Variants in MYO16 observed in about 807,000 individuals in gnomAD.
MYO16 encodes myosin XVI, also known as unconventional myosin-XVI.
Under a neutral mutation model 205.3 loss-of-function variants are expected in MYO16, and 94 were observed. The observed-to-expected ratio is 0.46, with a 90% CI of 0.39 to 0.54. The LOEUF (loss-of-function observed/expected upper bound fraction) is 0.54. MYO16 is among the 20% of genes least tolerant of loss of function. The pLI is 0.00. For synonymous variants in MYO16, 988 were observed against 954.0 expected (o/e 1.04, Z -0.66); for missense variants, 2,315 against 2,387.5 (o/e 0.97, Z 0.63).
intron 23 of MYO16, among the ~76,000 whole-genome samples, chr13:109,021,019 G>A (rs563762647): frequency 6.6e-6 from 1 of 152,234 alleles, no homozygotes; most frequent in Non-Finnish European, 1.5e-5. Context: ...AGGAAGCAAT[G>A]CGTGGCTTAA....
intron 9 of MYO16, among the ~76,000 whole-genome samples, chr13:108,835,480 CA>C (rs1347647388): frequency 1.3e-5 from 2 of 152,138 alleles, no homozygotes; most frequent in Non-Finnish European, 2.9e-5. Flanking sequence ...CAGACTAATA[CA>C]GTAAATATGT....
At chr13:108,747,747 A>G (rs1885111110) in intron 4 of MYO16, among the ~76,000 whole-genome samples, 2 of 152,146 alleles carry the variant, frequency 1.3e-5, no homozygotes, top group African/African-American at 4.8e-5. Context: ...ATTGGTACTG[A>G]TACATATATA....
chr13:108,521,868 T>C, the MYO16 span, among the ~76,000 whole-genome samples: 4 of 152,264 alleles, frequency 2.6e-5, no homozygotes, highest in African/African-American at 9.6e-5. Context: ...TTTCTCTAGA[T>C]GTACATTAAG....
chr13:108,885,486 C>A (rs1264679856), intron 13 of MYO16, among the ~76,000 whole-genome samples: 3 of 152,206 alleles, frequency 2.0e-5, no homozygotes, highest in Non-Finnish European at 4.4e-5. Context: ...TAGACTCAGG[C>A]AACCCTATTT....
the MYO16 span, among the ~76,000 whole-genome samples, chr13:108,504,743 G>T: frequency 2.0e-5 from 3 of 150,314 alleles, no homozygotes; most frequent in Admixed American, 6.6e-5. Context: ...CACCATGTTG[G>T]CCAGGATGGT....
At chr13:108,595,402 G>C (rs930064809), upstream of MYO16, among the ~76,000 whole-genome samples, 62 of 152,090 alleles carry the variant, frequency 4.1e-4, no homozygotes, top group Admixed American at 4.1e-3. Context: ...GTTTTATAAA[G>C]AGCCTGACTT....
At chr13:108,594,311 C>G (rs1878479868), upstream of MYO16, among the ~76,000 whole-genome samples, 1 of 152,152 alleles carries the variant, frequency 6.6e-6, no homozygotes. Flanking sequence ...GCTGAGATGC[C>G]CCACGATGCC....
At chr13:108,506,807 T>A in the MYO16 span, among the ~76,000 whole-genome samples, 1 of 152,132 alleles carries the variant, frequency 6.6e-6, no homozygotes, top group Non-Finnish European at 1.5e-5. Context: ...CTCCATGGAG[T>A]ATGATGTTAG....
At chr13:108,662,173 G>T (rs917086000) in intron 1 of MYO16, among the ~76,000 whole-genome samples, 12 of 152,216 alleles carry the variant, frequency 7.9e-5, no homozygotes, top group Admixed American at 3.3e-4. Context: ...AACAGTACCT[G>T]TTCTGGTGGA....
the MYO16 span, among the ~76,000 whole-genome samples, chr13:108,517,923 A>G: frequency 2.6e-5 from 4 of 152,228 alleles, no homozygotes; most frequent in African/African-American, 9.6e-5. Context: ...GGGGCAAGGG[A>G]ACTCGCTCCA....
intron 33 of MYO16, among the ~76,000 whole-genome samples, chr13:109,169,530 C>A (rs1406142772): frequency 1.3e-5 from 2 of 151,520 alleles, no homozygotes; most frequent in Non-Finnish European, 2.9e-5. Context: ...AAGGGGACAT[C>A]AATACAGATC....
Position 108,776,930 on chromosome 13 carries a change from A to T in MYO16, c.508-8705A>T, listed in dbSNP as rs148830089. On this transcript the variant is annotated intron_variant, in intron 4 of 34. Coordinates refer to ENST00000457511, the MANE Select transcript of MYO16 (RefSeq NM_001198950.3). ...GCTATGCTGCCTCTGGGTGGAGAAC[A>T]GTGGGTGTATGCCTTGAGAGCATCA... Among the ~76,000 whole-genome samples the T allele has an allele frequency of 2.1e-3, 316 of 152,262 alleles. 2 individuals are homozygous for T. Among genetic ancestry groups the T allele is most frequent in the African/African-American group, 7.4e-3 (307 of 41,550 alleles).
chr13:108,994,533 ATT>A (rs1175805324), intron 21 of MYO16, among the ~76,000 whole-genome samples: 1 of 152,120 alleles, frequency 6.6e-6, no homozygotes, highest in Non-Finnish European at 1.5e-5. Flanking sequence ...TACATTTTAG[ATT>A]TCTGTGTTGC....
At chr13:108,860,626 A>G (rs1878406956) in intron 11 of MYO16, among the ~76,000 whole-genome samples, 1 of 152,172 alleles carries the variant, frequency 6.6e-6, no homozygotes, top group Non-Finnish European at 1.5e-5. Flanking sequence ...CACTCCCAAC[A>G]ACAGTGTACT....
chr13:109,061,351 C>G (rs754675997), intron 27 of MYO16, among the ~76,000 whole-genome samples: 2 of 152,192 alleles, frequency 1.3e-5, no homozygotes, highest in Admixed American at 6.5e-5. Flanking sequence ...AGATCTAGCT[C>G]TTGGCCCGTC....
At chr13:108,813,810 T>C (rs1343639988) in intron 7 of MYO16, among the ~76,000 whole-genome samples, 4 of 152,308 alleles carry the variant, frequency 2.6e-5, no homozygotes, top group Middle Eastern at 3.4e-3. Flanking sequence ...CAGCACACTC[T>C]ACCTGCTCAC....
chr13:108,690,056 G>A (rs534919810), intron 2 of MYO16, among the ~76,000 whole-genome samples: 2 of 152,174 alleles, frequency 1.3e-5, no homozygotes, highest in Admixed American at 1.3e-4. Context: ...TCTCACATAA[G>A]TAAGCCCAAT....
Position 109,206,681 on chromosome 13 carries a change from C to T in MYO16, c.5488C>T (p.Leu1830Phe). Residue 1830 changes from leucine (L) to phenylalanine (F), a missense_variant, in exon 35 of 35, where the codon CTC becomes TTC. Around this residue, in one of 3 missense-constraint regions of MYO16, gnomAD observed 1,097 missense variants for 1,092.0 expected, o/e 1.00. Transcript: ENST00000457511. The stretch of plus-strand genomic sequence containing the variant: ...GGAACTCTTGGACTGGAGGAGAAAG[C>T]TCTGTGAGGAAGGACAAGACTGGCA... ...LQELLDWRRK[L>F]CEEGQDWQQI... 6.2e-7 allele frequency: 1 copy of T among 1,614,160 alleles called. No homozygotes were observed.
chr13:109,102,079 T>C (rs1220737380), intron 28 of MYO16, among the ~76,000 whole-genome samples: 1 of 152,118 alleles, frequency 6.6e-6, no homozygotes, highest in African/African-American at 2.4e-5. Context: ...TTTTTCTTTG[T>C]TATCTTTTTT....
Sources: allele counts gnomAD v4.1 joint callset (sites outside exome capture counted in the v4.1 genomes callset), GRCh38; gene constraint gnomAD v4.1.1; regional missense constraint gnomAD v4.1.1; transcripts MANE v1.5; gene names NCBI Gene and HGNC (gene_info 2026-07-23, HGNC 2026-07-21).